GFOD2: variants seen among roughly 807,000 people sequenced by gnomAD.
The protein encoded by GFOD2 is glucose-fructose oxidoreductase domain-containing protein 2.
A neutral mutation model predicts 24.6 loss-of-function variants in GFOD2; 9 were observed. The ratio of observed to expected loss-of-function variants is 0.37; its 90% CI spans 0.22 to 0.64. The LOEUF (loss-of-function observed/expected upper bound fraction) is 0.64, where lower values mean the gene tolerates loss of function less well. Ranked by LOEUF, GFOD2 falls within the 30% of genes least tolerant of loss-of-function variation. The pLI, the probability that GFOD2 is intolerant of heterozygous loss-of-function variation, is 0.65. For synonymous variants in GFOD2, 211 were observed against 224.8 expected (o/e 0.94, Z 0.55); for missense variants, 476 against 532.5 (o/e 0.89, Z 1.04).
intron 1 of GFOD2, among the ~76,000 whole-genome samples, chr16:67,714,943 T>A (rs1325579767): frequency 6.6e-6 from 1 of 152,196 alleles, no homozygotes; most frequent in Non-Finnish European, 1.5e-5. Context: ...AAAACACTAC[T>A]TGCAATTCCT....
At chr16:67,678,497 AAAAG>A (rs1567653206) in intron 2 of GFOD2, among the ~76,000 whole-genome samples, 1 of 151,930 alleles carries the variant, frequency 6.6e-6, no homozygotes, top group Non-Finnish European at 1.5e-5. Context: ...AAAAAAAAGA[AAAAG>A]AAAAAGAAAT....
At chr16:67,692,115 G>A (rs1286167376) in intron 1 of GFOD2, among the ~76,000 whole-genome samples, 1 of 151,814 alleles carries the variant, frequency 6.6e-6, no homozygotes, top group East Asian at 1.9e-4. Context: ...TGCAGAGTTG[G>A]AGACAATCTG....
chr16:67,675,228 G>T lies in GFOD2; in HGVS notation c.1085C>A (p.Ala362Asp), dbSNP rs2053174231. ...KRSSRSGEWE[A>D]VEVLTEEPDT... ...GGGCTCCTCCGTCAGCACCTCCACAGCCTCCCACTCCCCGGATCGGCTCGA... is the reference window on the plus strand; with the variant it reads ...GGGCTCCTCCGTCAGCACCTCCACATCCTCCCACTCCCCGGATCGGCTCGA... The change falls in exon 3 of 3, where the codon GCT (alanine) becomes GAT (aspartate). Residue 362 changes from alanine (A) to aspartate (D), a missense_variant. Ala to Asp is a moderately radical substitution (Grantham distance 126, BLOSUM62 -2). Transcript: ENST00000268797. 2 of 1,613,670 alleles carry T rather than the reference G, an allele frequency of 1.2e-6. No individual in the cohort carries two copies. Among genetic ancestry groups the T allele is most frequent in the South Asian group, 2.2e-5 (2 of 91,092 alleles).
At chr16:67,681,865 G>T in intron 2 of GFOD2, 1 of 985,244 alleles carries the variant, frequency 1.0e-6, no homozygotes, top group Non-Finnish European at 1.2e-6. Flanking sequence ...CTCCTGCCAG[G>T]AAGTCAAGGG....
At chr16:67,689,825 T>C (rs890119332) in intron 1 of GFOD2, among the ~76,000 whole-genome samples, 1 of 152,128 alleles carries the variant, frequency 6.6e-6, no homozygotes. Flanking sequence ...CATTAAATAA[T>C]AACTTCCCAT....
intron 1 of GFOD2, among the ~76,000 whole-genome samples, chr16:67,718,081 T>C (rs1312128300): frequency 6.6e-6 from 1 of 152,224 alleles, no homozygotes; most frequent in Non-Finnish European, 1.5e-5. Flanking sequence ...TAAGTTTCCT[T>C]ATCAAGAATG....
At chr16:67,691,519 A>ACC (rs1567657230) in intron 1 of GFOD2, among the ~76,000 whole-genome samples, 4 of 118,638 alleles carry the variant, frequency 3.4e-5, no homozygotes, top group African/African-American at 1.5e-4. Flanking sequence ...CCCCCCCCCA[A>ACC]AAAAAAAAAA....
chr16:67,718,209 C>A (rs966312643), intron 1 of GFOD2, among the ~76,000 whole-genome samples: 2 of 152,352 alleles, frequency 1.3e-5, no homozygotes, highest in South Asian at 4.1e-4. Context: ...AAGGGCCACA[C>A]ACTAAGGGCT....
chr16:67,685,509 C>T lies in GFOD2; in HGVS notation c.207G>A (p.Val69=), dbSNP rs1326099877. 1.2e-6 allele frequency: 2 copies of T among 1,614,178 alleles called. No individual in the cohort carries two copies. Among genetic ancestry groups the T allele is most frequent in the Admixed American group, 3.3e-5 (2 of 60,024 alleles). Residue 69 remains valine (V), a synonymous_variant, in exon 2 of 3, where the codon GTG becomes GTA. Coordinates refer to ENST00000268797, the MANE Select transcript of GFOD2 (RefSeq NM_030819.4). Reference sequence around the variant, plus strand: ...TGAGTGGAGGGGGGATGCTGATGCACACCAGATCCACATCTTGATGCAGCA... The same window carrying T: ...TGAGTGGAGGGGGGATGCTGATGCATACCAGATCCACATCTTGATGCAGCA... The part of the protein sequence containing the change: ...DILLHQDVDL[V]CISIPPPLTR...
At chr16:67,679,645 T>C (rs547335657) in intron 2 of GFOD2, among the ~76,000 whole-genome samples, 33 of 151,942 alleles carry the variant, frequency 2.2e-4, no homozygotes, top group African/African-American at 7.5e-4. Flanking sequence ...TCCCAGCACT[T>C]TGGGAGGCCG....
chr16:67,675,587 G>A lies in GFOD2; in HGVS notation c.726C>T (p.Asn242=). Reference sequence around the variant, plus strand: ...CTTCATGCACAAAGGCGCCTGGCATGTTGAAGTTGAGTGTCACTGTGCTAC... The same window carrying A: ...CTTCATGCACAAAGGCGCCTGGCATATTGAAGTTGAGTGTCACTGTGCTAC... ...GVCSTVTLNF[N]MPGAFVHEVM... Residue 242 remains asparagine (N), a synonymous_variant, in exon 3 of 3, where the codon AAC becomes AAT. Transcript: ENST00000268797. The A allele has an allele frequency of 6.2e-7, 1 of 1,613,426 alleles. No individual in the cohort carries two copies. The highest frequency in any genetic ancestry group is 8.5e-7 in the Non-Finnish European group (1 of 1,180,044).
intron 1 of GFOD2, among the ~76,000 whole-genome samples, chr16:67,704,848 G>GC (rs2053428614): frequency 6.6e-6 from 1 of 152,192 alleles, no homozygotes; most frequent in Admixed American, 6.5e-5. Context: ...AGATGTTCTT[G>GC]CATAGTTCTG....
chr16:67,675,277 T>C lies in GFOD2; in HGVS notation c.1036A>G (p.Ser346Gly). Residue 346 changes from serine (S) to glycine (G), a missense_variant, in exon 3 of 3, where the codon AGC becomes GGC. Physicochemically the swap from Ser to Gly is moderately conservative, Grantham distance 56 (BLOSUM62 0). Coordinates refer to ENST00000268797, the MANE Select transcript of GFOD2 (RefSeq NM_030819.4). ...ASFEDGLYMQ[S>G]VVDAIKRSSR... ...GACCTCTTGATGGCATCCACCACGCTCTGCATGTACAGCCCATCCTCGAAG... is the reference window on the plus strand; with the variant it reads ...GACCTCTTGATGGCATCCACCACGCCCTGCATGTACAGCCCATCCTCGAAG... 6.2e-7 allele frequency: 1 copy of C among 1,612,872 alleles called. No homozygotes were observed. Among genetic ancestry groups the C allele is most frequent in the Non-Finnish European group, 8.5e-7 (1 of 1,180,008 alleles).
intron 1 of GFOD2, among the ~76,000 whole-genome samples, chr16:67,707,492 A>G (rs2053447134): frequency 6.6e-6 from 1 of 152,214 alleles, no homozygotes; most frequent in Admixed American, 6.6e-5. Flanking sequence ...ATAGTTAAAC[A>G]TATATCAACC....
At chr16:67,691,802 T>A (rs1167858252) in intron 1 of GFOD2, among the ~76,000 whole-genome samples, 1 of 152,144 alleles carries the variant, frequency 6.6e-6, no homozygotes, top group Non-Finnish European at 1.5e-5. Flanking sequence ...CTCAGTAAAG[T>A]GTTTTCTGGA....
chr16:67,703,532 C>T (rs1309419245), intron 1 of GFOD2, among the ~76,000 whole-genome samples: 1 of 152,186 alleles, frequency 6.6e-6, no homozygotes. Flanking sequence ...TGGAAATGTT[C>T]TTTAAAGGAG....
At chr16:67,677,686 C>T (rs183766194) in intron 2 of GFOD2, 1 of 152,426 alleles carries the variant, frequency 6.6e-6, no homozygotes, top group Non-Finnish European at 1.5e-5. Flanking sequence ...GGAAACGAGA[C>T]TGAAAGCATT....
At chr16:67,682,888 C>T (rs2053238805) in intron 2 of GFOD2, 1 of 940,540 alleles carries the variant, frequency 1.1e-6, no homozygotes. Context: ...CCAGAGTCAC[C>T]TGCAAGGCTT....
chr16:67,712,704 A>C, intron 1 of GFOD2, among the ~76,000 whole-genome samples: 3 of 114,674 alleles, frequency 2.6e-5, no homozygotes, highest in Admixed American at 8.2e-5. Flanking sequence ...CCCGGCCGCC[A>C]CCCCGTCTGG....
Sources: allele counts gnomAD v4.1 joint callset (sites outside exome capture counted in the v4.1 genomes callset), GRCh38; gene constraint gnomAD v4.1.1; transcripts MANE v1.5; gene names NCBI Gene and HGNC (gene_info 2026-07-23, HGNC 2026-07-21).